Variants in LPCAT3 observed in about 807,000 individuals in gnomAD.
LPCAT3 encodes lysophospholipid acyltransferase 5.
LPCAT3 carries 21 observed loss-of-function variants against 63.4 expected under a neutral mutation model. The observed-to-expected ratio is 0.33, with a 90% CI of 0.23 to 0.48. The LOEUF is 0.48. LPCAT3 is among the 20% of genes least tolerant of loss of function. LPCAT3 has a pLI of 0.99. For missense variants in LPCAT3, 451 were observed against 590.6 expected (o/e 0.76, Z 2.45); for synonymous variants, 242 against 227.5 (o/e 1.06, Z -0.58).
Position 6,981,724 on chromosome 12 carries a change from G to A in LPCAT3, c.460+87C>T, listed in dbSNP as rs993399811. 3 of 1,401,600 alleles carry A rather than the reference G, an allele frequency of 2.1e-6. No homozygotes were observed. In the African/African-American group the frequency reaches 4.3e-5, roughly 20 times the overall value. The allele number at this position is 1,401,600 out of a possible 1,614,324, so 86.8% of individuals were successfully genotyped here. A position where few individuals can be genotyped will look rare whatever the true frequency, so the allele number is the denominator to read the frequency against. ...GAGTGCAGCCAGAAGTGTATGGCGG[G>A]GGGCGGAGGGGGGGTGCCGAGGAAG... is the stretch of plus-strand genomic sequence containing the variant. On this transcript the variant is annotated intron_variant, in intron 4 of 12. Coordinates refer to ENST00000261407, the MANE Select transcript of LPCAT3 (RefSeq NM_005768.6).
chr12:6,977,600 G>T lies in LPCAT3; in HGVS notation c.1186C>A (p.Gln396Lys), dbSNP rs782016708. The change falls in exon 10 of 13, where the codon CAG becomes AAG. Residue 396 changes from glutamine to lysine, a missense_variant and splice_region_variant. Coordinates refer to ENST00000261407, the MANE Select transcript of LPCAT3 (RefSeq NM_005768.6). The surrounding 1 kb of genome is among the most constrained non-coding windows in gnomAD (Gnocchi z 4.5). ...MEFLIVIVERQAARLIQESPT... is the reference protein window; with the variant it reads ...MEFLIVIVERKAARLIQESPT... ...TCACCCCCACCCTGGAGGCCTACCT[G>T]TCTTTCCACAATAACAATGAGGAAT... 3.1e-6 allele frequency: 5 copies of T among 1,614,088 alleles called. No homozygotes were observed. In the African/African-American group the frequency reaches 5.3e-5, roughly 17 times the overall value.
At position 6,977,470 on chromosome 12, in the gene LPCAT3, AC is replaced by A; in HGVS notation, c.1243del (p.Val415SerfsTer22). On this transcript the variant is annotated frameshift_variant, in exon 11 of 13. Coordinates refer to ENST00000261407, the MANE Select transcript of LPCAT3 (RefSeq NM_005768.6). LOFTEE classifies it high-confidence loss of function. This position sits in a 1 kb window ranked among gnomAD's most constrained non-coding sequence, Gnocchi z 4.5. ...PTLSKLAAIT[V>X]LQPFYYLVQQ... ...CACCAAATAGTAGAAGGGCTGGAGG[AC>A]AGTAATGGCGGCCAGCTTGCTCAGG... The A allele has an allele frequency of 6.2e-7, 1 of 1,614,208 alleles. No individual in the cohort carries two copies. Among genetic ancestry groups the A allele is most frequent in the Non-Finnish European group, 8.5e-7 (1 of 1,180,036 alleles).
chr12:7,016,876 ACG>A (rs1166252440), intron 1 of LPCAT3, among the ~76,000 whole-genome samples: 1 of 152,212 alleles, frequency 6.6e-6, no homozygotes, highest in Admixed American at 6.5e-5. Flanking sequence ...TTAAAATCTT[ACG>A]ATTCCACAGA....
At chr12:6,984,817 TCAA>T (rs1946505063) in intron 1 of LPCAT3, among the ~76,000 whole-genome samples, 1 of 152,112 alleles carries the variant, frequency 6.6e-6, no homozygotes, top group African/African-American at 2.4e-5. Flanking sequence ...CCTCCTGGGC[TCAA>T]GGAATCTTCC....
Position 6,978,594 on chromosome 12 carries a change from T to C in LPCAT3, c.873+9A>G. 6.2e-7 allele frequency: 1 copy of C among 1,614,134 alleles called. No individual in the cohort carries two copies. Among genetic ancestry groups the C allele is most frequent in the Non-Finnish European group, 8.5e-7 (1 of 1,179,988 alleles). ...CTAAATAGGACCTTGTTTCAACTTT[T>C]CTACTTACTGTGACCAGCCAACAGG... On this transcript the variant is annotated intron_variant, in intron 8 of 12. Transcript: ENST00000261407.
At chr12:6,992,544 T>G (rs977110218) in intron 1 of LPCAT3, among the ~76,000 whole-genome samples, 4 of 152,214 alleles carry the variant, frequency 2.6e-5, no homozygotes, top group African/African-American at 9.7e-5. Context: ...ATCTTAGTAG[T>G]ATCATGAAAA....
chr12:6,986,220 G>A (rs1454969282), intron 1 of LPCAT3, among the ~76,000 whole-genome samples: 1 of 152,160 alleles, frequency 6.6e-6, no homozygotes, highest in Non-Finnish European at 1.5e-5. Context: ...TGCCACTGCT[G>A]AGATGGCAAC....
chr12:7,000,431 C>CAA (rs1194450626), intron 1 of LPCAT3, among the ~76,000 whole-genome samples: 19 of 145,154 alleles, frequency 1.3e-4, no homozygotes, highest in African/African-American at 4.5e-4. Flanking sequence ...ACTAAAAATA[C>CAA]AAAAAAAAAG....
intron 1 of LPCAT3, among the ~76,000 whole-genome samples, chr12:6,993,944 A>G (rs782108640): frequency 1.2e-4 from 19 of 152,298 alleles, no homozygotes; most frequent in African/African-American, 4.3e-4. Context: ...CCCATTCATC[A>G]GCTGACAAAC....
intron 1 of LPCAT3, among the ~76,000 whole-genome samples, chr12:7,011,165 G>T (rs1245502810): frequency 2.0e-5 from 3 of 152,110 alleles, no homozygotes; most frequent in Non-Finnish European, 4.4e-5. Flanking sequence ...CTCCCAAGCA[G>T]CAGGGACTAC....
In LPCAT3 at chr12:7,002,472, AT is replaced by A. The variant is rs202133074; in HGVS notation, c.151+15801del. 2.6e-4 allele frequency among the ~76,000 whole-genome samples: 40 copies of A among 152,236 alleles called. No individual in the cohort carries two copies. In the East Asian group the frequency reaches 7.7e-3, roughly 29 times the overall value. ...TTCTCTCCAACCCCTCCAAACACTT[AT>A]CATGAGTAATTTCTCTTGTCTTTAG... On this transcript the variant is annotated intron_variant, in intron 1 of 12. Transcript: ENST00000261407.
intron 1 of LPCAT3, among the ~76,000 whole-genome samples, chr12:7,003,359 G>A: frequency 7.2e-6 from 1 of 137,992 alleles, no homozygotes; most frequent in Admixed American, 7.3e-5. Context: ...AGTAGGGTGA[G>A]TTTTTTTTTT....
At chr12:6,982,813 T>C (rs782570379) in intron 2 of LPCAT3, 31 bp from the exon 3 acceptor site, 8 of 1,422,748 alleles carry the variant, frequency 5.6e-6, no homozygotes, top group Non-Finnish European at 7.9e-6. Context: ...TTTAGCCTGG[T>C]TTTTACACTC....
intron 5 of LPCAT3, chr12:6,981,383 C>T: frequency 1.5e-6 from 1 of 674,332 alleles, no homozygotes; most frequent in Non-Finnish European, 2.5e-6. Context: ...AAATGCCTTG[C>T]TGGCATTGAT....
At chr12:6,998,665 T>C (rs1555156286) in intron 1 of LPCAT3, among the ~76,000 whole-genome samples, 1 of 152,232 alleles carries the variant, frequency 6.6e-6, no homozygotes, top group African/African-American at 2.4e-5. Context: ...TTGTAGATCA[T>C]GGACATTTAG....
At chr12:6,999,146 A>G (rs1555156325) in intron 1 of LPCAT3, among the ~76,000 whole-genome samples, 1 of 152,246 alleles carries the variant, frequency 6.6e-6, no homozygotes, top group African/African-American at 2.4e-5. Flanking sequence ...TTATCCTCCT[A>G]TTGAAAAATA....
intron 1 of LPCAT3, among the ~76,000 whole-genome samples, chr12:7,010,210 C>T (rs1357422699): frequency 6.6e-6 from 1 of 152,204 alleles, no homozygotes; most frequent in East Asian, 1.9e-4. Flanking sequence ...GGACTACTTG[C>T]TGTTCCTCAG....
chr12:6,986,795 CAAAAAAAAAAAAA>C (rs1157395768), intron 1 of LPCAT3, among the ~76,000 whole-genome samples: 2 of 33,924 alleles, frequency 5.9e-5, no homozygotes, highest in African/African-American at 1.1e-4. Context: ...GACTCTGTCT[CAAAAAAAAAAAAA>C]AAAAAAAAAA....
intron 1 of LPCAT3, among the ~76,000 whole-genome samples, chr12:6,986,483 G>A (rs1049548303): frequency 2.8e-4 from 42 of 152,064 alleles, no homozygotes; most frequent in African/African-American, 8.0e-4. Context: ...TAAGTTTTTG[G>A]AGAGTCAAAA....
Sources: allele counts gnomAD v4.1 joint callset (sites outside exome capture counted in the v4.1 genomes callset), GRCh38; gene constraint gnomAD v4.1.1; non-coding constraint Gnocchi (gnomAD v3.1); transcripts MANE v1.5; gene names NCBI Gene and HGNC (gene_info 2026-07-23, HGNC 2026-07-21).